MED27: variants seen among roughly 807,000 people sequenced by gnomAD.
MED27 encodes the protein mediator of RNA polymerase II transcription subunit 27.
Under a neutral mutation model 38.2 loss-of-function variants are expected in MED27, and 30 were observed. That is an observed-to-expected ratio of 0.79 (90% CI 0.59 to 1.07). MED27 has a LOEUF of 1.07. Among genes scored for constraint, MED27 ranks in the 50% least tolerant of loss-of-function variants. MED27 has a pLI of 0.00. For synonymous variants in MED27, 122 were observed against 153.5 expected, an observed-to-expected ratio of 0.79 and a Z score of 1.52; for missense variants, 289 against 397.5, an observed-to-expected ratio of 0.73 and a Z score of 2.32.
chr9:131,967,730 G>A (rs1268855221), intron 3 of MED27, among the ~76,000 whole-genome samples: 2 of 149,782 alleles, frequency 1.3e-5, no homozygotes, highest in African/African-American at 2.5e-5. Context: ...TCAAACTCCC[G>A]ACCTCAGGTG....
intron 3 of MED27, among the ~76,000 whole-genome samples, chr9:131,995,940 A>G (rs563663921): frequency 6.6e-6 from 1 of 151,902 alleles, no homozygotes; most frequent in African/African-American, 2.4e-5. Context: ...TGTCCTCTAC[A>G]CTCCATAATT....
At chr9:132,016,877 A>T (rs1832614516) in intron 2 of MED27, among the ~76,000 whole-genome samples, 1 of 152,204 alleles carries the variant, frequency 6.6e-6, no homozygotes, top group African/African-American at 2.4e-5. Context: ...AAAACAGCAG[A>T]AATGTACGCT....
intron 6 of MED27, among the ~76,000 whole-genome samples, chr9:131,880,449 A>G (rs1589180052): frequency 6.6e-6 from 1 of 152,308 alleles, no homozygotes; most frequent in East Asian, 1.9e-4. Context: ...ACCTCTCCCA[A>G]TTGTGGTTCT....
chr9:132,067,835 C>G (rs1375453372), intron 2 of MED27, among the ~76,000 whole-genome samples: 1 of 151,982 alleles, frequency 6.6e-6, no homozygotes, highest in African/African-American at 2.4e-5. Context: ...CCTCAGCCTC[C>G]CCAGTAGCTG....
rs1403088417 is a variant in MED27, at chr9:131,997,849, C to T, written c.479+16488G>A. 1.3e-5 allele frequency among the ~76,000 whole-genome samples: 2 copies of T among 152,170 alleles called. No homozygotes were observed. Among genetic ancestry groups the T allele is most frequent in the African/African-American group, 2.4e-5 (1 of 41,418 alleles). On this transcript the variant is annotated intron_variant, in intron 3 of 7. Coordinates refer to ENST00000292035, the MANE Select transcript of MED27 (RefSeq NM_004269.4). The surrounding 1 kb of genome is among the most constrained non-coding windows in gnomAD (Gnocchi z 4.0). ...GTTCAAACTACATGAGTGCTCTATGCGGTGGCTTTCATTATTAACCAGTCC... is the reference window on the plus strand; with the variant it reads ...GTTCAAACTACATGAGTGCTCTATGTGGTGGCTTTCATTATTAACCAGTCC...
chr9:131,882,099 C>T (rs1190089403), intron 6 of MED27, among the ~76,000 whole-genome samples: 3 of 152,162 alleles, frequency 2.0e-5, no homozygotes, highest in African/African-American at 7.2e-5. Flanking sequence ...CAGGGTAGCA[C>T]ATTGCATTTA....
intron 2 of MED27, among the ~76,000 whole-genome samples, chr9:132,040,766 C>A (rs1361438784): frequency 6.6e-6 from 1 of 152,240 alleles, no homozygotes; most frequent in African/African-American, 2.4e-5. Context: ...ACACACCGCA[C>A]ACTCAAGCAC....
chr9:132,048,009 T>C (rs1833379568), intron 2 of MED27, among the ~76,000 whole-genome samples: 1 of 152,304 alleles, frequency 6.6e-6, no homozygotes, highest in Non-Finnish European at 1.5e-5. Context: ...TCAAGGTCAT[T>C]GCCAAGGTCT....
chr9:131,951,745 T>C (rs1831001885), intron 3 of MED27, among the ~76,000 whole-genome samples: 1 of 152,256 alleles, frequency 6.6e-6, no homozygotes, highest in African/African-American at 2.4e-5. Context: ...ACAAACATTG[T>C]CTTTTTCTGC....
At chr9:131,978,374 A>T (rs1831655358) in intron 3 of MED27, among the ~76,000 whole-genome samples, 1 of 152,258 alleles carries the variant, frequency 6.6e-6, no homozygotes, top group Non-Finnish European at 1.5e-5. Context: ...TGCTTAAAAA[A>T]ATTATGACAC....
chr9:131,991,028 T>C (rs530292426), intron 3 of MED27, among the ~76,000 whole-genome samples: 2 of 152,304 alleles, frequency 1.3e-5, no homozygotes, highest in South Asian at 4.1e-4. Flanking sequence ...GAGTGGAGCA[T>C]AGCAAGTCCT....
intron 4 of MED27, among the ~76,000 whole-genome samples, chr9:131,909,085 A>T (rs1020949330): frequency 6.6e-6 from 1 of 151,992 alleles, no homozygotes; most frequent in African/African-American, 2.4e-5. Flanking sequence ...TTGCTGATGG[A>T]GTGGATATGA....
At chr9:132,025,105 GA>G (rs368074948) in intron 2 of MED27, among the ~76,000 whole-genome samples, 315 of 141,436 alleles carry the variant, frequency 2.2e-3, no homozygotes, top group African/African-American at 5.5e-3. Flanking sequence ...CCCTTGGAAG[GA>G]AAAAAAAAAA....
intron 3 of MED27, among the ~76,000 whole-genome samples, chr9:131,947,299 G>A (rs1830904698): frequency 6.6e-6 from 1 of 152,084 alleles, no homozygotes; most frequent in African/African-American, 2.4e-5. Context: ...AAGCTGCAGA[G>A]CTCCTTTATA....
chr9:131,968,052 C>T (rs1831389546), intron 3 of MED27, among the ~76,000 whole-genome samples: 1 of 151,962 alleles, frequency 6.6e-6, no homozygotes, highest in African/African-American at 2.4e-5. Context: ...GATCTCCTGA[C>T]CTCATGATCC....
At chr9:132,014,724 A>G (rs1832565526) in intron 2 of MED27, among the ~76,000 whole-genome samples, 1 of 109,778 alleles carries the variant, frequency 9.1e-6, no homozygotes, top group African/African-American at 3.2e-5. Flanking sequence ...CGGAATGTCC[A>G]ACAACTGACT....
intron 3 of MED27, among the ~76,000 whole-genome samples, chr9:131,970,726 TAGAA>T (rs1346713022): frequency 2.0e-5 from 3 of 152,034 alleles, no homozygotes; most frequent in African/African-American, 7.3e-5. Flanking sequence ...AAAACAATGT[TAGAA>T]ATAAAGACCA....
At chr9:132,027,403 T>C (rs1447906820) in intron 2 of MED27, among the ~76,000 whole-genome samples, 3 of 152,224 alleles carry the variant, frequency 2.0e-5, no homozygotes, top group African/African-American at 7.2e-5. Flanking sequence ...GGGCTGCTTC[T>C]TCCAACTCCA....
At chr9:131,878,104 G>A (rs973266596) in intron 6 of MED27, among the ~76,000 whole-genome samples, 2 of 151,872 alleles carry the variant, frequency 1.3e-5, no homozygotes, top group South Asian at 2.1e-4. Context: ...GTGAAACCCC[G>A]TCTCTACAAA....
Sources: allele counts gnomAD v4.1 joint callset (sites outside exome capture counted in the v4.1 genomes callset), GRCh38; gene constraint gnomAD v4.1.1; non-coding constraint Gnocchi (gnomAD v3.1); transcripts MANE v1.5; gene names NCBI Gene and HGNC (gene_info 2026-07-23, HGNC 2026-07-21).